Variants in DLG2 observed in about 807,000 individuals in gnomAD.
DLG2 encodes discs large MAGUK scaffold protein 2.
DLG2 carries 45 observed loss-of-function variants against 132.5 expected under a neutral mutation model. The ratio of observed to expected loss-of-function variants is 0.34; its 90% CI spans 0.27 to 0.44. The LOEUF is 0.44. DLG2 is among the 20% of genes least tolerant of loss of function. The probability of loss-of-function intolerance (pLI) is 1.00; values close to 1 mark genes in which losing one functional copy is unlikely to be tolerated. For missense variants in DLG2, 1,045 were observed against 1,196.9 expected (o/e 0.87, Z 1.87); for synonymous variants, 424 against 419.6 (o/e 1.01, Z -0.13).
chr11:84,522,335 T>G (rs555790671), intron 7 of DLG2, among the ~76,000 whole-genome samples: 1 of 152,186 alleles, frequency 6.6e-6, no homozygotes, highest in Non-Finnish European at 1.5e-5. Flanking sequence ...AAGTTAACTT[T>G]GTCTCATTAC....
intron 7 of DLG2, among the ~76,000 whole-genome samples, chr11:84,384,897 C>G (rs903690222): frequency 6.6e-6 from 1 of 152,088 alleles, no homozygotes; most frequent in Non-Finnish European, 1.5e-5. Flanking sequence ...ATGATACATT[C>G]AAAGGCAACT....
intron 18 of DLG2, among the ~76,000 whole-genome samples, chr11:83,648,916 T>G (rs948825953): frequency 6.6e-6 from 1 of 152,210 alleles, no homozygotes. Flanking sequence ...GCAGCAGCAG[T>G]GGCAGCTTCT....
chr11:85,491,075 T>C (rs2093549798), intron 3 of DLG2, among the ~76,000 whole-genome samples: 1 of 152,080 alleles, frequency 6.6e-6, no homozygotes, highest in South Asian at 2.1e-4. Context: ...TAATACATTA[T>C]GATCAAATGG....
intron 2 of DLG2, among the ~76,000 whole-genome samples, chr11:85,622,714 A>G (rs1208373507): frequency 2.0e-5 from 3 of 152,122 alleles, no homozygotes; most frequent in African/African-American, 7.2e-5. Context: ...AGTCCAGGAA[A>G]CTGTAATCTC....
chr11:83,683,106 T>C (rs1464801339), intron 18 of DLG2, among the ~76,000 whole-genome samples: 1 of 152,212 alleles, frequency 6.6e-6, no homozygotes, highest in Admixed American at 6.5e-5. Flanking sequence ...GAGCAGTGCC[T>C]GAGCTTTTTG....
At chr11:85,207,731 T>C (rs1295593120) in intron 4 of DLG2, among the ~76,000 whole-genome samples, 4 of 152,100 alleles carry the variant, frequency 2.6e-5, no homozygotes, top group Admixed American at 1.3e-4. Context: ...ATGAAGGAGA[T>C]ATTTATATAT....
At chr11:84,098,356 C>T (rs2097195724) in intron 10 of DLG2, among the ~76,000 whole-genome samples, 1 of 152,140 alleles carries the variant, frequency 6.6e-6, no homozygotes, top group Admixed American at 6.5e-5. Flanking sequence ...GCTCTTCATC[C>T]AGATGAAGCT....
chr11:85,365,671 T>G (rs1202325811), intron 3 of DLG2, among the ~76,000 whole-genome samples: 1 of 152,112 alleles, frequency 6.6e-6, no homozygotes, highest in African/African-American at 2.4e-5. Flanking sequence ...TAGCAAAGAC[T>G]TGGAACCAAC....
At chr11:85,075,512 T>C (rs2066415012) in intron 6 of DLG2, among the ~76,000 whole-genome samples, 1 of 151,884 alleles carries the variant, frequency 6.6e-6, no homozygotes, top group Non-Finnish European at 1.5e-5. Context: ...AAATAGATCT[T>C]GAAAACATTT....
At chr11:83,676,617 T>A (rs554453816) in intron 18 of DLG2, among the ~76,000 whole-genome samples, 2 of 152,210 alleles carry the variant, frequency 1.3e-5, no homozygotes, top group Non-Finnish European at 2.9e-5. Context: ...CAACCGCCTG[T>A]GAGACAGGAA....
At chr11:84,018,598 C>T (rs2095292110) in intron 11 of DLG2, among the ~76,000 whole-genome samples, 1 of 151,598 alleles carries the variant, frequency 6.6e-6, no homozygotes, top group Non-Finnish European at 1.5e-5. Flanking sequence ...CGTGCCATCA[C>T]CTATAGTCTA....
rs118179782 is a variant in DLG2, at chr11:84,544,423, A to T, written c.358-9692T>A. ...CTTGAGTAATTCTCTCAAGAATTGG[A>T]TAGATTAAACAGGTATCATCATTCT... On this transcript the variant is annotated intron_variant, in intron 6 of 27. Coordinates refer to ENST00000376104, the MANE Select transcript of DLG2 (RefSeq NM_001142699.3). Among the ~76,000 whole-genome samples, 94 of 152,328 alleles carry T rather than the reference A, an allele frequency of 6.2e-4. No homozygotes were observed. In the East Asian group the frequency reaches 0.017, roughly 28 times the overall value.
chr11:83,484,852 AATAT>A (rs2093402818), intron 21 of DLG2, among the ~76,000 whole-genome samples: 1 of 152,180 alleles, frequency 6.6e-6, no homozygotes. Flanking sequence ...CTGACACATG[AATAT>A]ATAATCATTA....
intron 14 of DLG2, among the ~76,000 whole-genome samples, chr11:83,945,993 CTT>C (rs765410972): frequency 8.3e-5 from 6 of 71,998 alleles, no homozygotes; most frequent in Non-Finnish European, 1.0e-4. Flanking sequence ...CTCTCTCTCT[CTT>C]TTTTTTTTTT....
chr11:84,830,429 G>C (rs2078888635), intron 6 of DLG2, among the ~76,000 whole-genome samples: 1 of 149,984 alleles, frequency 6.7e-6, no homozygotes, highest in Admixed American at 6.7e-5. Context: ...CATTCTAAAA[G>C]GAAAGTGTGT....
chr11:83,871,793 G>A (rs1382430081), intron 16 of DLG2, among the ~76,000 whole-genome samples: 1 of 152,080 alleles, frequency 6.6e-6, no homozygotes, highest in African/African-American at 2.4e-5. Flanking sequence ...ATCCAGAAGT[G>A]TTTTACATAA....
intron 6 of DLG2, among the ~76,000 whole-genome samples, chr11:84,719,735 AT>A (rs1482368047): frequency 4.6e-5 from 7 of 152,154 alleles, no homozygotes. Flanking sequence ...TCTTGATAAA[AT>A]TTGTTTGTTG....
At chr11:83,873,714 A>C (rs954923920) in intron 16 of DLG2, among the ~76,000 whole-genome samples, 2 of 152,174 alleles carry the variant, frequency 1.3e-5, no homozygotes, top group African/African-American at 4.8e-5. Flanking sequence ...AGTAAATGTT[A>C]GTTTTTTTTC....
intron 7 of DLG2, among the ~76,000 whole-genome samples, chr11:84,338,119 A>G (rs2098496365): frequency 6.6e-6 from 1 of 152,240 alleles, no homozygotes; most frequent in African/African-American, 2.4e-5. Flanking sequence ...TTGTTAATTC[A>G]CAAATCATTA....
Sources: allele counts gnomAD v4.1 joint callset (sites outside exome capture counted in the v4.1 genomes callset), GRCh38; gene constraint gnomAD v4.1.1; transcripts MANE v1.5; gene names NCBI Gene and HGNC (gene_info 2026-07-23, HGNC 2026-07-21).